Variants in COL23A1 observed in about 807,000 individuals in gnomAD.
The protein encoded by COL23A1 is collagen type XXIII alpha 1 chain, also known as collagen alpha-1(XXIII) chain.
Under a neutral mutation model 99.3 loss-of-function variants are expected in COL23A1, and 97 were observed. The ratio of observed to expected loss-of-function variants is 0.98; its 90% confidence interval spans 0.83 to 1.16. COL23A1 has a LOEUF of 1.16. Among genes scored for constraint, COL23A1 ranks in the 50% most tolerant of loss-of-function variants. The probability of loss-of-function intolerance (pLI) is 0.00; values close to 1 mark genes in which losing one functional copy is unlikely to be tolerated. For synonymous variants in COL23A1, 320 were observed against 308.2 expected (o/e 1.04, Z -0.40); for missense variants, 762 against 757.4 (o/e 1.01, Z -0.07).
At chr5:178,316,320 C>T (rs1758981616) in intron 2 of COL23A1, among the ~76,000 whole-genome samples, 1 of 152,136 alleles carries the variant, frequency 6.6e-6, no homozygotes, top group Non-Finnish European at 1.5e-5. Context: ...TGTAACCTGT[C>T]TAGAGATTTC....
chr5:178,579,108 C>A (rs572209185), intron 1 of COL23A1, among the ~76,000 whole-genome samples: 1 of 152,234 alleles, frequency 6.6e-6, no homozygotes, highest in East Asian at 1.9e-4. Flanking sequence ...TTTTTTGCTT[C>A]TGTATATCCT....
At chr5:178,487,744 T>C (rs1757713376) in intron 2 of COL23A1, among the ~76,000 whole-genome samples, 2 of 152,142 alleles carry the variant, frequency 1.3e-5, no homozygotes, top group South Asian at 4.1e-4. Context: ...TGCTCAGCAT[T>C]TTCCCTAACT....
At chr5:178,251,012 T>C (rs1266292187) in intron 17 of COL23A1, among the ~76,000 whole-genome samples, 1 of 138,530 alleles carries the variant, frequency 7.2e-6, no homozygotes, top group Non-Finnish European at 1.5e-5. Flanking sequence ...GTATGTTCTC[T>C]AATCGCAAGA....
At chr5:178,326,940 G>C (rs113623031) in intron 2 of COL23A1, among the ~76,000 whole-genome samples, 3 of 152,170 alleles carry the variant, frequency 2.0e-5, no homozygotes, top group Admixed American at 6.5e-5. Context: ...GGCTGGTCTC[G>C]AACTCCTGAC....
chr5:178,293,945 T>C (rs1412009491), intron 3 of COL23A1, among the ~76,000 whole-genome samples: 1 of 152,006 alleles, frequency 6.6e-6, no homozygotes, highest in Non-Finnish European at 1.5e-5. Context: ...GTAAGGGGCT[T>C]CTACGTGGCT....
rs1756641144 is a variant in COL23A1, at chr5:178,277,249, C to T, written c.442-6886G>A. ...GGTGTGGTGGCACATGCCTGTAGCTCCCGCTACTCAGGAGGCTGAGGCAGG... is the reference window on the plus strand; with the variant it reads ...GGTGTGGTGGCACATGCCTGTAGCTTCCGCTACTCAGGAGGCTGAGGCAGG... On this transcript the variant is annotated intron_variant, in intron 5 of 28. Transcript: ENST00000390654. 2.0e-5 allele frequency among the ~76,000 whole-genome samples: 3 copies of T among 152,030 alleles called. No individual in the cohort carries two copies. The South Asian group carries it at 6.2e-4, about 32-fold the overall frequency.
chr5:178,352,134 G>T (rs1325572544), intron 2 of COL23A1: 1 of 152,218 alleles, frequency 6.6e-6, no homozygotes, highest in Non-Finnish European at 1.5e-5. Flanking sequence ...TCTCTACTCA[G>T]CTCTCGGGCG....
Position 178,457,143 on chromosome 5 carries a change from G to A in COL23A1, c.361+103539C>T, listed in dbSNP as rs550602075. Reference sequence around the variant, plus strand: ...TACTCTCTTTCACTATCTCACTTCAGTCTAAGAGTCTGGACTAAAAGATTG... The same window carrying A: ...TACTCTCTTTCACTATCTCACTTCAATCTAAGAGTCTGGACTAAAAGATTG... On this transcript the variant is annotated intron_variant, in intron 2 of 28. Coordinates refer to ENST00000390654, the MANE Select transcript of COL23A1 (RefSeq NM_173465.4). Among the ~76,000 whole-genome samples the A allele has an allele frequency of 3.9e-5, 6 of 152,302 alleles. No homozygotes were observed. In the South Asian group the frequency reaches 1.2e-3, roughly 32 times the overall value.
intron 3 of COL23A1, among the ~76,000 whole-genome samples, chr5:178,291,592 C>A (rs1258443714): frequency 6.6e-6 from 1 of 152,072 alleles, no homozygotes; most frequent in Non-Finnish European, 1.5e-5. Context: ...CCAGCCAAGC[C>A]CGGGGGTTTG....
chr5:178,319,947 G>A (rs1759200146), intron 2 of COL23A1, among the ~76,000 whole-genome samples: 1 of 152,158 alleles, frequency 6.6e-6, no homozygotes, highest in Admixed American at 6.5e-5. Context: ...CACTCCTCAG[G>A]CCTGCCAGGC....
intron 20 of COL23A1, 85 bp from the exon 21 acceptor site, chr5:178,247,916 C>G: frequency 2.5e-6 from 3 of 1,200,678 alleles, no homozygotes; most frequent in East Asian, 2.5e-5. Flanking sequence ...ACTGCTGGAT[C>G]GAGAGTCTCC....
intron 2 of COL23A1, among the ~76,000 whole-genome samples, chr5:178,552,387 A>G (rs913818365): frequency 3.3e-5 from 5 of 152,140 alleles, no homozygotes; most frequent in Non-Finnish European, 7.4e-5. Flanking sequence ...CCCCCCAAAA[A>G]ATCAGACACA....
intron 2 of COL23A1, among the ~76,000 whole-genome samples, chr5:178,356,778 G>A (rs564153934): frequency 1.3e-5 from 2 of 152,026 alleles, no homozygotes; most frequent in African/African-American, 2.4e-5. Context: ...ACCCTCCCCC[G>A]GCCGCCTGGC....
At chr5:178,433,942 A>C (rs1199132277) in intron 2 of COL23A1, among the ~76,000 whole-genome samples, 1 of 152,216 alleles carries the variant, frequency 6.6e-6, no homozygotes, top group Non-Finnish European at 1.5e-5. Context: ...CACACACAGA[A>C]GGACGGCCAT....
intron 2 of COL23A1, among the ~76,000 whole-genome samples, chr5:178,511,612 C>T (rs1373228458): frequency 6.6e-6 from 1 of 152,188 alleles, no homozygotes; most frequent in Non-Finnish European, 1.5e-5. Context: ...GGAGGTTAAA[C>T]TCTGGAAGGA....
At chr5:178,422,533 A>G (rs1176204282) in intron 2 of COL23A1, among the ~76,000 whole-genome samples, 14 of 152,148 alleles carry the variant, frequency 9.2e-5, no homozygotes, top group Non-Finnish European at 2.1e-4. Flanking sequence ...TGGCCCATTC[A>G]GAGGCACATC....
rs1755890597 is a variant in COL23A1, at chr5:178,458,030, C to CCTTAT, written c.361+102651_361+102652insATAAG. Among the ~76,000 whole-genome samples, 6 of 152,274 alleles carry CCTTAT rather than the reference C, an allele frequency of 3.9e-5. No homozygotes were observed. In the South Asian group the frequency reaches 1.2e-3, roughly 32 times the overall value. ...AAAGAACAGATAAGGTCAGTCTGGACCATCTTGTCATAGTGGAAGCAAAGA... is the reference window on the plus strand; with the variant it reads ...AAAGAACAGATAAGGTCAGTCTGGACCTTATCATCTTGTCATAGTGGAAGCAAAGA... On this transcript the variant is annotated intron_variant, in intron 2 of 28. Coordinates refer to ENST00000390654, the MANE Select transcript of COL23A1 (RefSeq NM_173465.4).
chr5:178,396,831 T>C (rs71594790), intron 2 of COL23A1, among the ~76,000 whole-genome samples: 775 of 132,874 alleles, frequency 5.8e-3, no homozygotes, highest in Middle Eastern at 0.017. Flanking sequence ...CGGCCCCGGC[T>C]GTCCTCCGAG....
intron 2 of COL23A1, among the ~76,000 whole-genome samples, chr5:178,501,955 G>A (rs935638525): frequency 6.6e-6 from 1 of 152,236 alleles, no homozygotes; most frequent in African/African-American, 2.4e-5. Flanking sequence ...GGGAAGGACG[G>A]CTAAAACAGA....
Sources: allele counts gnomAD v4.1 joint callset (sites outside exome capture counted in the v4.1 genomes callset), GRCh38; gene constraint gnomAD v4.1.1; transcripts MANE v1.5; gene names NCBI Gene and HGNC (gene_info 2026-07-23, HGNC 2026-07-21).